Variants in KCNH1 observed in about 807,000 individuals in gnomAD.
The protein encoded by KCNH1 is potassium voltage-gated channel subfamily H member 1.
KCNH1 carries 27 observed loss-of-function variants against 69.2 expected under a neutral mutation model. The ratio of observed to expected loss-of-function variants is 0.39; its 90% confidence interval spans 0.29 to 0.54. The LOEUF (loss-of-function observed/expected upper bound fraction) is 0.54, where lower values mean the gene tolerates loss of function less well. KCNH1 is among the 20% of genes least tolerant of loss of function. The probability of loss-of-function intolerance (pLI) is 0.68; values close to 1 mark genes in which losing one functional copy is unlikely to be tolerated. For synonymous variants in KCNH1, 456 were observed against 487.7 expected (o/e 0.93, Z 0.86); for missense variants, 798 against 1,261.6 (o/e 0.63, Z 5.57).
At chr1:210,812,583 C>A (rs1684728627) in intron 7 of KCNH1, among the ~76,000 whole-genome samples, 1 of 152,200 alleles carries the variant, frequency 6.6e-6, no homozygotes. Context: ...TCTTATCATT[C>A]TTAATTCCCC....
chr1:210,981,349 T>C (rs1382333394), intron 6 of KCNH1, among the ~76,000 whole-genome samples: 1 of 125,886 alleles, frequency 7.9e-6, no homozygotes, highest in Non-Finnish European at 1.6e-5. Context: ...AGTCCATGAA[T>C]GAGTCATTAG....
chr1:211,030,165 T>C (rs1689756577), intron 5 of KCNH1, among the ~76,000 whole-genome samples: 1 of 152,198 alleles, frequency 6.6e-6, no homozygotes, highest in African/African-American at 2.4e-5. Context: ...TACTTTAAAA[T>C]TTATATGAAA....
chr1:211,071,938 C>A (rs1388261479), intron 5 of KCNH1, among the ~76,000 whole-genome samples: 4 of 151,940 alleles, frequency 2.6e-5, no homozygotes, highest in African/African-American at 7.3e-5. Flanking sequence ...GAAAAAAAAA[C>A]CCACCAACCT....
chr1:210,810,419 G>C (rs1684678745), intron 7 of KCNH1, among the ~76,000 whole-genome samples: 1 of 152,072 alleles, frequency 6.6e-6, no homozygotes, highest in Non-Finnish European at 1.5e-5. Context: ...ATCTGGAAAT[G>C]TATGCACTTC....
At chr1:210,755,493 G>A (rs376269081) in intron 10 of KCNH1, among the ~76,000 whole-genome samples, 39 of 152,184 alleles carry the variant, frequency 2.6e-4, no homozygotes, top group African/African-American at 8.9e-4. Context: ...GCCACTCCGC[G>A]GCTACATTCA....
intron 6 of KCNH1, among the ~76,000 whole-genome samples, chr1:210,985,601 G>A (rs1688814903): frequency 1.3e-5 from 2 of 152,190 alleles, no homozygotes; most frequent in East Asian, 1.9e-4. Flanking sequence ...TTTTGAGTGA[G>A]TTTCTTAATC....
chr1:210,833,081 G>T (rs1180611707), intron 7 of KCNH1, among the ~76,000 whole-genome samples: 1 of 151,860 alleles, frequency 6.6e-6, no homozygotes, highest in African/African-American at 2.4e-5. Flanking sequence ...TCCCTGGGAA[G>T]AATTAAGAGA....
intron 7 of KCNH1, among the ~76,000 whole-genome samples, chr1:210,805,531 T>C (rs1684532649): frequency 6.6e-6 from 1 of 152,132 alleles, no homozygotes; most frequent in South Asian, 2.1e-4. Context: ...AGATTAACCT[T>C]CATTTTCTAG....
At chr1:210,705,315 GAGA>G (rs995125221) in intron 10 of KCNH1, among the ~76,000 whole-genome samples, 2 of 152,200 alleles carry the variant, frequency 1.3e-5, no homozygotes, top group African/African-American at 4.8e-5. Flanking sequence ...AAAGCTGGCA[GAGA>G]AGAACTGCAG....
intron 7 of KCNH1, among the ~76,000 whole-genome samples, chr1:210,874,077 G>A (rs756137842): frequency 1.2e-4 from 19 of 152,110 alleles, no homozygotes; most frequent in Non-Finnish European, 2.4e-4. Flanking sequence ...TGAGGTTGGA[G>A]AATATAAGCT....
chr1:210,899,042 G>C (rs1159568268), intron 7 of KCNH1, among the ~76,000 whole-genome samples: 2 of 152,090 alleles, frequency 1.3e-5, no homozygotes, highest in Non-Finnish European at 2.9e-5. Context: ...CTAAATATCC[G>C]ACTATGACCC....
intron 9 of KCNH1, among the ~76,000 whole-genome samples, chr1:210,787,813 T>C (rs1684132010): frequency 6.6e-6 from 1 of 152,248 alleles, no homozygotes; most frequent in African/African-American, 2.4e-5. Flanking sequence ...TGTTAGAAAT[T>C]ACTCTGTGAC....
At chr1:210,962,015 T>C (rs1197794397) in intron 6 of KCNH1, among the ~76,000 whole-genome samples, 1 of 152,148 alleles carries the variant, frequency 6.6e-6, no homozygotes, top group Non-Finnish European at 1.5e-5. Context: ...TGACTTCAAG[T>C]AGTTTTTACA....
chr1:210,788,109 T>A (rs1162192294), intron 9 of KCNH1, among the ~76,000 whole-genome samples: 2 of 152,258 alleles, frequency 1.3e-5, no homozygotes, highest in African/African-American at 4.8e-5. Context: ...AAGATTGCTA[T>A]GGATGAGAAC....
rs945977628 is a variant in KCNH1, at chr1:211,092,198, G to A, written c.311-1508C>T. On this transcript the variant is annotated intron_variant, in intron 3 of 10. Coordinates refer to ENST00000271751, the MANE Select transcript of KCNH1 (RefSeq NM_172362.3). ...AGAAAACTCACTGAATCTTGGAGAC[G>A]AAAATAGATCCTCAAGAGGTCACCT... Among the ~76,000 whole-genome samples, 9 of 152,144 alleles carry A rather than the reference G, an allele frequency of 5.9e-5. No homozygotes were observed. The East Asian group carries it at 9.6e-4, about 16-fold the overall frequency.
rs1558618694 is a variant in KCNH1 at position 211,133,991 on chromosome 1, T to TA, written c.-47dup. The TA allele has an allele frequency of 1.3e-6, 2 of 1,555,544 alleles. No homozygotes were observed. Among genetic ancestry groups the TA allele is most frequent in the Non-Finnish European group, 1.8e-6 (2 of 1,131,056 alleles). ...CGGCGGGCGTCCTGGCGCGGCTTCTTACGACAGCAGGAAACTGGCCTCGGG... is the reference window on the plus strand; with the variant it reads ...CGGCGGGCGTCCTGGCGCGGCTTCTTAACGACAGCAGGAAACTGGCCTCGGG... On this transcript the variant is annotated 5_prime_UTR_variant, in exon 1 of 11. The change abolishes the stop of an existing upstream ORF in the 5' untranslated region. Coordinates refer to ENST00000271751, the MANE Select transcript of KCNH1 (RefSeq NM_172362.3). The surrounding 1 kb of genome is among the most constrained non-coding windows in gnomAD (Gnocchi z 5.4).
intron 7 of KCNH1, among the ~76,000 whole-genome samples, chr1:210,822,906 C>T (rs1010145207): frequency 6.6e-6 from 1 of 152,164 alleles, no homozygotes. Flanking sequence ...TGCCTTATTC[C>T]CCCTACCAGA....
chr1:211,060,562 A>G (rs560816801), intron 5 of KCNH1, among the ~76,000 whole-genome samples: 6 of 151,736 alleles, frequency 4.0e-5, no homozygotes, highest in African/African-American at 1.4e-4. Flanking sequence ...TTTGAAAAGA[A>G]AAAAATCAAC....
chr1:211,018,097 C>G (rs567504485), intron 6 of KCNH1, among the ~76,000 whole-genome samples: 3 of 152,094 alleles, frequency 2.0e-5, no homozygotes, highest in East Asian at 1.9e-4. Flanking sequence ...CTGGCTCCCC[C>G]CTTCACCTTC....
Sources: allele counts gnomAD v4.1 joint callset (sites outside exome capture counted in the v4.1 genomes callset), GRCh38; gene constraint gnomAD v4.1.1; non-coding constraint Gnocchi (gnomAD v3.1); transcripts MANE v1.5; gene names NCBI Gene and HGNC (gene_info 2026-07-23, HGNC 2026-07-21).